The following ZNF718 variants were observed in gnomAD, a reference collection of about 807,000 sequenced individuals.
ZNF718 encodes zinc finger protein 718.
In ZNF718, 3 loss-of-function variants were observed where a neutral mutation model predicts 2.6. The observed-to-expected ratio is 1.16, with a 90% CI of 0.53 to 3.01. The LOEUF (loss-of-function observed/expected upper bound fraction) is 3.01, where lower values mean the gene tolerates loss of function less well. ZNF718 is among the 30% of genes most tolerant of loss of function. The pLI is 0.03. For synonymous variants in ZNF718, 135 were observed against 77.9 expected (o/e 1.73, Z -3.86); for missense variants, 468 against 230.0 (o/e 2.03, Z -6.69).
At chr4:199,864 G>A (rs1036942816) in intron 3 of ZNF718, among the ~76,000 whole-genome samples, 2 of 152,142 alleles carry the variant, frequency 1.3e-5, no homozygotes, top group African/African-American at 4.8e-5. Context: ...CCTACCTACA[G>A]ACCTGTTTTG....
chr4:135,627 T>A (rs1464423017), intron 3 of ZNF718, among the ~76,000 whole-genome samples: 1 of 150,674 alleles, frequency 6.6e-6, no homozygotes, highest in Non-Finnish European at 1.5e-5. Context: ...GCTTAGTGAT[T>A]TTGGGGGCCC....
intron 3 of ZNF718, among the ~76,000 whole-genome samples, chr4:195,870 G>C (rs921750549): frequency 6.6e-6 from 1 of 151,988 alleles, no homozygotes; most frequent in Non-Finnish European, 1.5e-5. Context: ...ATCAATTATA[G>C]GTTTTAAATT....
chr4:159,493 A>G (rs1369986473), intron 3 of ZNF718, among the ~76,000 whole-genome samples: 1 of 151,842 alleles, frequency 6.6e-6, no homozygotes, highest in African/African-American at 2.4e-5. Flanking sequence ...CTTGTCTTTG[A>G]CTTTTGAAAC....
intron 3 of ZNF718, among the ~76,000 whole-genome samples, chr4:177,076 C>T (rs1422577954): frequency 6.6e-6 from 1 of 152,170 alleles, no homozygotes; most frequent in African/African-American, 2.4e-5. Flanking sequence ...TCTGCTGTTA[C>T]CCTTATTTAC....
chr4:170,800 C>T (rs1269738270), intron 3 of ZNF718, among the ~76,000 whole-genome samples: 2 of 152,136 alleles, frequency 1.3e-5, no homozygotes, highest in Non-Finnish European at 1.5e-5. Flanking sequence ...GAACTTCCTC[C>T]TTTAGTTCGG....
At chr4:156,728 G>T (rs1384434225) in intron 3 of ZNF718, among the ~76,000 whole-genome samples, 1 of 151,936 alleles carries the variant, frequency 6.6e-6, no homozygotes, top group Non-Finnish European at 1.5e-5. Flanking sequence ...GTCTCTTTGT[G>T]GCTGACTTAT....
chr4:159,705 A>G (rs1716740290), intron 3 of ZNF718, among the ~76,000 whole-genome samples: 1 of 151,672 alleles, frequency 6.6e-6, no homozygotes, highest in Non-Finnish European at 1.5e-5. Context: ...TAAATTGTAT[A>G]TGTTTCTATT....
At chr4:160,640 C>T (rs148339463) in intron 3 of ZNF718, among the ~76,000 whole-genome samples, 1,547 of 152,232 alleles carry the variant, frequency 0.01, 8 homozygotes, top group Middle Eastern at 0.048. Context: ...GCCTCTACCT[C>T]CCGGGTTCAA....
chr4:177,676 C>T (rs1380587632), intron 3 of ZNF718, among the ~76,000 whole-genome samples: 1 of 152,160 alleles, frequency 6.6e-6, no homozygotes, highest in Non-Finnish European at 1.5e-5. Context: ...AACTGTGTCC[C>T]TACACATTTT....
intron 3 of ZNF718, among the ~76,000 whole-genome samples, chr4:157,600 A>G (rs1246140816): frequency 1.3e-5 from 2 of 152,192 alleles, no homozygotes; most frequent in Admixed American, 6.5e-5. Flanking sequence ...CAAACATTGA[A>G]CAAGAGCATG....
chr4:137,220 C>T (rs1290115824), intron 3 of ZNF718, among the ~76,000 whole-genome samples: 15 of 151,838 alleles, frequency 9.9e-5, no homozygotes. Flanking sequence ...TGCAGAACCA[C>T]GAGCCAATTA....
chr4:168,575 T>A (rs570525231), downstream of ZNF718, among the ~76,000 whole-genome samples: 1 of 152,330 alleles, frequency 6.6e-6, no homozygotes, highest in South Asian at 2.1e-4. Flanking sequence ...CCTAGTTTAG[T>A]CTTGGGAGGG....
At chr4:182,411 T>G (rs1435697452) in intron 3 of ZNF718, among the ~76,000 whole-genome samples, 12 of 46,622 alleles carry the variant, frequency 2.6e-4, no homozygotes, top group African/African-American at 7.8e-4. Context: ...TTTATATTTA[T>G]TTATTTATTT....
intron 3 of ZNF718, among the ~76,000 whole-genome samples, chr4:196,022 T>C (rs1375249992): frequency 2.0e-5 from 3 of 151,778 alleles, no homozygotes; most frequent in African/African-American, 7.3e-5. Flanking sequence ...CTCTCTCCCC[T>C]CTCTCTCTCC....
chr4:181,157 G>GC (rs1717454806), intron 3 of ZNF718, among the ~76,000 whole-genome samples: 1 of 90,728 alleles, frequency 1.1e-5, no homozygotes, highest in African/African-American at 3.8e-5. Context: ...CCAGTGCCCA[G>GC]CTTTTTTTTT....
intron 3 of ZNF718, among the ~76,000 whole-genome samples, chr4:198,477 C>A (rs1717835790): frequency 6.6e-6 from 1 of 152,204 alleles, no homozygotes; most frequent in South Asian, 2.1e-4. Context: ...ACCCACTCAA[C>A]TTCATTCCTC....
At chr4:176,618 T>C (rs556839923) in intron 3 of ZNF718, among the ~76,000 whole-genome samples, 3 of 152,146 alleles carry the variant, frequency 2.0e-5, no homozygotes, top group African/African-American at 4.8e-5. Flanking sequence ...TCCTGAACCA[T>C]GTATCCAAAA....
At chr4:145,275 G>A (rs980550822) in intron 3 of ZNF718, among the ~76,000 whole-genome samples, 1 of 152,154 alleles carries the variant, frequency 6.6e-6, no homozygotes, top group Non-Finnish European at 1.5e-5. Context: ...ATTGTTTTCT[G>A]ACCAGTTAGT....
At chr4:143,034 A>T (rs1715881583) in intron 3 of ZNF718, among the ~76,000 whole-genome samples, 1 of 152,186 alleles carries the variant, frequency 6.6e-6, no homozygotes, top group Admixed American at 6.6e-5. Flanking sequence ...CTTCAACTAG[A>T]ATAACAGAAG....
Sources: allele counts gnomAD v4.1 joint callset (sites outside exome capture counted in the v4.1 genomes callset), GRCh38; gene constraint gnomAD v4.1.1; transcripts MANE v1.5; gene names NCBI Gene and HGNC (gene_info 2026-07-23, HGNC 2026-07-21).